The following LMBRD2 variants were observed in gnomAD, a reference collection of about 807,000 sequenced individuals.
LMBRD2 encodes the protein G protein-coupled receptor-associated protein LMBRD2.
A neutral mutation model predicts 94.4 loss-of-function variants in LMBRD2; 55 were observed. The observed-to-expected ratio is 0.58, with a 90% CI of 0.47 to 0.73. The LOEUF (loss-of-function observed/expected upper bound fraction) is 0.73. Ranked by LOEUF, LMBRD2 falls within the 30% of genes least tolerant of loss-of-function variation. The probability of loss-of-function intolerance (pLI) is 0.00; values close to 1 mark genes in which losing one functional copy is unlikely to be tolerated. For synonymous variants in LMBRD2, 246 were observed against 272.4 expected, an observed-to-expected ratio of 0.90 and a Z score of 0.95; for missense variants, 640 against 831.9, an observed-to-expected ratio of 0.77 and a Z score of 2.84.
At chr5:36,130,993 A>C (rs1744138838) in intron 6 of LMBRD2, among the ~76,000 whole-genome samples, 1 of 152,192 alleles carries the variant, frequency 6.6e-6, no homozygotes, top group Admixed American at 6.5e-5. Context: ...CTACGAGGCC[A>C]GTATTGCCCT....
In LMBRD2 at chr5:36,103,763, G is replaced by A. The variant is rs1743399324; in HGVS notation, c.*283C>T. ...TAATCTGAAACAAACTGAACTGCAT[G>A]TTCTTAACATATGTTGATCTTTCTT... On this transcript the variant is annotated 3_prime_UTR_variant, in exon 18 of 18. Coordinates refer to ENST00000296603, the MANE Select transcript of LMBRD2 (RefSeq NM_001007527.2). The A allele has an allele frequency of 9.8e-6, 2 of 204,524 alleles. No homozygotes were observed. Among genetic ancestry groups the A allele is most frequent in the African/African-American group, 2.3e-5 (1 of 42,984 alleles). The allele number at this position is 204,524 out of a possible 1,614,324, so 12.7% of individuals were successfully genotyped here.
intron 5 of LMBRD2, among the ~76,000 whole-genome samples, chr5:36,136,941 A>G (rs1245807606): frequency 6.6e-6 from 1 of 152,052 alleles, no homozygotes; most frequent in African/African-American, 2.4e-5. Flanking sequence ...TAATCAAAAC[A>G]AAAAAAATCA....
intron 16 of LMBRD2, among the ~76,000 whole-genome samples, chr5:36,107,940 C>A (rs1743511402): frequency 6.6e-6 from 1 of 152,120 alleles, no homozygotes; most frequent in South Asian, 2.1e-4. Flanking sequence ...TCCTTCTACT[C>A]AGTTCAAGGT....
chr5:36,107,606 A>G (rs549003425), intron 16 of LMBRD2, among the ~76,000 whole-genome samples: 1 of 152,348 alleles, frequency 6.6e-6, no homozygotes, highest in African/African-American at 2.4e-5. Context: ...CAAAGACTTC[A>G]CATTTCTCTA....
intron 6 of LMBRD2, 34 bp downstream of exon 6, chr5:36,136,275 G>A: frequency 6.3e-7 from 1 of 1,591,490 alleles, no homozygotes; most frequent in South Asian, 1.1e-5. Context: ...ATATGACTTA[G>A]TGACTATTGC....
At chr5:36,116,738 G>T (rs1743754749) in intron 10 of LMBRD2, 145 bp from the exon 11 acceptor site, 1 of 672,478 alleles carries the variant, frequency 1.5e-6, no homozygotes, top group East Asian at 3.2e-5. Context: ...GTGCAGTGGC[G>T]CGATCTTGGC....
intron 6 of LMBRD2, among the ~76,000 whole-genome samples, chr5:36,125,422 G>T (rs867501938): frequency 8.9e-4 from 135 of 152,232 alleles, no homozygotes; most frequent in African/African-American, 3.2e-3. Context: ...TTATATGACA[G>T]ACTCATTATC....
intron 16 of LMBRD2, among the ~76,000 whole-genome samples, chr5:36,106,791 G>A (rs185027728): frequency 1.3e-5 from 2 of 152,032 alleles, no homozygotes; most frequent in Non-Finnish European, 2.9e-5. Flanking sequence ...ACCGCGCCTG[G>A]CCCCAAATCC....
chr5:36,112,199 A>G (rs1186641588), intron 13 of LMBRD2, among the ~76,000 whole-genome samples: 1 of 152,186 alleles, frequency 6.6e-6, no homozygotes, highest in African/African-American at 2.4e-5. Context: ...AATGTTTTTT[A>G]TGCATTACCA....
Position 36,109,944 on chromosome 5 carries a change from CTCT to C in LMBRD2, c.1789_1791del (p.Arg597del). The C allele has an allele frequency of 6.3e-7, 1 of 1,599,258 alleles. No individual in the cohort carries two copies. The highest frequency in any genetic ancestry group is 8.6e-7 in the Non-Finnish European group (1 of 1,167,618). ...ATTACAGAAATTAATACTGTACTTACTCTTCTTCGATTTTCACCTTCTTCTTGC... is the reference window on the plus strand; with the variant it reads ...ATTACAGAAATTAATACTGTACTTACTCTTCGATTTTCACCTTCTTCTTGC... On this transcript the variant is annotated inframe_deletion and splice_region_variant, in exon 15 of 18. Transcript: ENST00000296603.
intron 9 of LMBRD2, among the ~76,000 whole-genome samples, chr5:36,119,553 C>T (rs142528763): frequency 2.0e-5 from 3 of 152,302 alleles, no homozygotes; most frequent in East Asian, 3.9e-4. Context: ...TTAAATCCAA[C>T]TCGCTGGCTA....
rs1233118270 is a variant in LMBRD2 at position 36,124,174 on chromosome 5, C to A, written c.822+17G>T. The A allele has an allele frequency of 7.1e-7, 1 of 1,412,314 alleles. No individual in the cohort carries two copies. Among genetic ancestry groups the A allele is most frequent in the East Asian group, 2.3e-5 (1 of 43,308 alleles). The allele number at this position is 1,412,314 out of a possible 1,614,324, so 87.5% of individuals were successfully genotyped here. Reference sequence around the variant, plus strand: ...AGTGTATATTTCAAAAGGAAACAGACAAGATGATTTCATTACCTTTTTAAG... The same window carrying A: ...AGTGTATATTTCAAAAGGAAACAGAAAAGATGATTTCATTACCTTTTTAAG... On this transcript the variant is annotated intron_variant, in intron 7 of 17. Transcript: ENST00000296603.
At chr5:36,109,382 AC>A (rs1488303998) in intron 15 of LMBRD2, among the ~76,000 whole-genome samples, 2 of 152,146 alleles carry the variant, frequency 1.3e-5, no homozygotes, top group Non-Finnish European at 2.9e-5. Flanking sequence ...TAAAGAAGAT[AC>A]ACATATATGA....
At chr5:36,144,127 T>C (rs1450792117) in intron 1 of LMBRD2, among the ~76,000 whole-genome samples, 3 of 152,204 alleles carry the variant, frequency 2.0e-5, no homozygotes, top group Non-Finnish European at 4.4e-5. Flanking sequence ...GAAAACATTC[T>C]TAATTTTATG....
chr5:36,130,318 T>C (rs1165082704), intron 6 of LMBRD2, among the ~76,000 whole-genome samples: 1 of 152,076 alleles, frequency 6.6e-6, no homozygotes, highest in Non-Finnish European at 1.5e-5. Flanking sequence ...TTTTTATTAG[T>C]TTTCTCTGTT....
Position 36,131,802 on chromosome 5 carries a change from T to A in LMBRD2, c.747+4507A>T, listed in dbSNP as rs113640852. Among the ~76,000 whole-genome samples, 380 of 152,252 alleles carry A rather than the reference T, an allele frequency of 2.5e-3. 2 individuals carry two copies. Among genetic ancestry groups the A allele is most frequent in the African/African-American group, 8.7e-3 (363 of 41,578 alleles). Reference sequence around the variant, plus strand: ...TACAATGAAAACTATAAAACACTGATGCAAGGAATTGAAGAGGACACAAAA... The same window carrying A: ...TACAATGAAAACTATAAAACACTGAAGCAAGGAATTGAAGAGGACACAAAA... On this transcript the variant is annotated intron_variant, in intron 6 of 17. Transcript: ENST00000296603.
chr5:36,141,044 A>G, intron 4 of LMBRD2, 63 bp downstream of exon 4: 2 of 859,588 alleles, frequency 2.3e-6, no homozygotes, highest in South Asian at 2.9e-5. Context: ...AACTATATTG[A>G]TTGAAAAACA....
chr5:36,105,028 A>T, intron 17 of LMBRD2, 40 bp downstream of exon 17: 1 of 1,596,382 alleles, frequency 6.3e-7, no homozygotes, highest in Non-Finnish European at 8.6e-7. Flanking sequence ...TTAAAAGTGT[A>T]GAGGAATGCT....
At chr5:36,142,686 C>A in intron 2 of LMBRD2, 87 bp from the exon 3 acceptor site, 1 of 712,558 alleles carries the variant, frequency 1.4e-6, no homozygotes. Flanking sequence ...ATCTATCTAT[C>A]TAAACTTACC....
Sources: allele counts gnomAD v4.1 joint callset (sites outside exome capture counted in the v4.1 genomes callset), GRCh38; gene constraint gnomAD v4.1.1; transcripts MANE v1.5; gene names NCBI Gene and HGNC (gene_info 2026-07-23, HGNC 2026-07-21).